The following GNG7 variants were observed in gnomAD, a reference collection of about 807,000 sequenced individuals.
GNG7 encodes the protein guanine nucleotide-binding protein G(I)/G(S)/G(O) subunit gamma-7.
A neutral mutation model predicts 4.0 loss-of-function variants in GNG7; 1 was observed. The ratio of observed to expected loss-of-function variants is 0.25; its 90% confidence interval spans 0.09 to 1.18. The LOEUF is 1.18. Ranked by LOEUF, GNG7 falls within the 50% of genes most tolerant of loss-of-function variation. The pLI, the probability that GNG7 is intolerant of heterozygous loss-of-function variation, is 0.50. For missense variants in GNG7, 86 were observed against 91.9 expected, an observed-to-expected ratio of 0.94 and a Z score of 0.26; for synonymous variants, 34 against 36.9, an observed-to-expected ratio of 0.92 and a Z score of 0.29.
At chr19:2,678,512 T>G (rs983640694) in intron 1 of GNG7, among the ~76,000 whole-genome samples, 1 of 152,232 alleles carries the variant, frequency 6.6e-6, no homozygotes. Flanking sequence ...TCACACCCAC[T>G]GTACACAGGT....
chr19:2,699,351 GT>G (rs2144664721), intron 1 of GNG7, among the ~76,000 whole-genome samples: 1 of 152,174 alleles, frequency 6.6e-6, no homozygotes, highest in Admixed American at 6.5e-5. Context: ...GTTTCACCAT[GT>G]TGGCCAGGAT....
chr19:2,621,602 CAGG>C (rs1483165252), intron 2 of GNG7, among the ~76,000 whole-genome samples: 1 of 151,896 alleles, frequency 6.6e-6, no homozygotes, highest in East Asian at 1.9e-4. Context: ...GAGGCTGAGG[CAGG>C]AGAATTGCTT....
At chr19:2,657,021 A>T (rs1450825861) in intron 1 of GNG7, among the ~76,000 whole-genome samples, 8 of 151,974 alleles carry the variant, frequency 5.3e-5, no homozygotes, top group Admixed American at 1.3e-4. Flanking sequence ...ATCAATTTTC[A>T]ATGATTGTCT....
chr19:2,561,604 G>A (rs1238893376), intron 2 of GNG7, among the ~76,000 whole-genome samples: 3 of 151,914 alleles, frequency 2.0e-5, no homozygotes, highest in African/African-American at 4.8e-5. Context: ...TTGGCCGGGC[G>A]CAGTGGCTCA....
intron 2 of GNG7, among the ~76,000 whole-genome samples, chr19:2,640,895 C>T (rs552395127): frequency 1.2e-4 from 18 of 152,342 alleles, no homozygotes; most frequent in South Asian, 2.1e-4. Flanking sequence ...TCCCAAAGTG[C>T]TGCGATGACA....
intron 2 of GNG7, among the ~76,000 whole-genome samples, chr19:2,560,982 G>T (rs1180320941): frequency 6.6e-6 from 1 of 151,284 alleles, no homozygotes; most frequent in African/African-American, 2.4e-5. Context: ...AATTATTTGG[G>T]AAAACAGTTG....
intron 3 of GNG7, among the ~76,000 whole-genome samples, chr19:2,528,834 G>A (rs955242126): frequency 3.9e-5 from 6 of 152,346 alleles, no homozygotes; most frequent in African/African-American, 1.4e-4. Context: ...TCCTGTGTGA[G>A]GAAACAGGGG....
At chr19:2,563,139 G>T (rs994710436) in intron 2 of GNG7, among the ~76,000 whole-genome samples, 5 of 151,876 alleles carry the variant, frequency 3.3e-5, no homozygotes, top group African/African-American at 7.2e-5. Flanking sequence ...TAGTAAAGAC[G>T]GGGTTTCACC....
At position 2,512,746 on chromosome 19, in the gene GNG7, T is replaced by G; in HGVS notation, c.*2276A>C. 1 of 306,982 alleles carries G rather than the reference T, an allele frequency of 3.3e-6. No homozygotes were observed. Among genetic ancestry groups the G allele is most frequent in the Non-Finnish European group, 4.8e-6 (1 of 209,686 alleles). 19.0% of individuals were successfully genotyped at this position (306,982 alleles called of 1,614,324 possible). On this transcript the variant is annotated 3_prime_UTR_variant, in exon 5 of 5. Coordinates refer to ENST00000382159, the MANE Select transcript of GNG7 (RefSeq NM_052847.3). The surrounding 1 kb of genome is among the most constrained non-coding windows in gnomAD (Gnocchi z 4.7). The stretch of plus-strand genomic sequence containing the variant: ...CGGGGGCTCGGGGATTAAGGCCTCT[T>G]TTAAGGAAAAACGGGGTGGGGTGTG...
At position 2,618,714 on chromosome 19, in the gene GNG7, AAG is replaced by A. The variant is rs2144830028; in HGVS notation, c.-78+27508_-78+27509del. On this transcript the variant is annotated intron_variant, in intron 2 of 4. Transcript: ENST00000382159. The surrounding 1 kb of genome is among the most constrained non-coding windows in gnomAD (Gnocchi z 5.1). ...ATTTTAGATTTACAGGAAAGTTGCAAAGAGAGAGTCCCCGCCCACGCCTCACC... is the reference window on the plus strand; with the variant it reads ...ATTTTAGATTTACAGGAAAGTTGCAAAGAGAGTCCCCGCCCACGCCTCACC... Among the ~76,000 whole-genome samples, 1 of 152,040 alleles carries A rather than the reference AAG, an allele frequency of 6.6e-6. No individual in the cohort carries two copies. Among genetic ancestry groups the A allele is most frequent in the East Asian group, 1.9e-4 (1 of 5,164 alleles).
At chr19:2,635,474 C>G (rs890853477) in intron 2 of GNG7, among the ~76,000 whole-genome samples, 32 of 152,202 alleles carry the variant, frequency 2.1e-4, no homozygotes, top group Non-Finnish European at 8.8e-5. Flanking sequence ...TTTGCCTCTT[C>G]TCTCCCTCCT....
intron 2 of GNG7, among the ~76,000 whole-genome samples, chr19:2,612,786 C>A (rs114296791): frequency 0.011 from 1,631 of 149,954 alleles, 36 homozygotes; most frequent in African/African-American, 0.038. Flanking sequence ...TTCCACCTCC[C>A]AGTTCAAGCA....
intron 1 of GNG7, among the ~76,000 whole-genome samples, chr19:2,672,398 C>T (rs546547448): frequency 6.6e-6 from 1 of 152,192 alleles, no homozygotes; most frequent in East Asian, 1.9e-4. Context: ...TCAAGCAATC[C>T]TCCTGCTTCA....
In GNG7 at chr19:2,552,210, C is replaced by T. The variant is rs75250315; in HGVS notation, c.-38+2939G>A. On this transcript the variant is annotated intron_variant, in intron 3 of 4. Coordinates refer to ENST00000382159, the MANE Select transcript of GNG7 (RefSeq NM_052847.3). The stretch of plus-strand genomic sequence containing the variant: ...CTACTAAAAAATACAAAAAATCAGC[C>T]GGAAATTGCTTGAACCCAGGAGGCG... Among the ~76,000 whole-genome samples, 827 of 151,970 alleles carry T rather than the reference C, an allele frequency of 5.4e-3. 10 individuals carry two copies. Among genetic ancestry groups the T allele is most frequent in the African/African-American group, 0.018 (759 of 41,490 alleles).
chr19:2,665,473 A>G (rs926309301), intron 1 of GNG7, among the ~76,000 whole-genome samples: 1 of 151,844 alleles, frequency 6.6e-6, no homozygotes, highest in Non-Finnish European at 1.5e-5. Flanking sequence ...GAAGAGGGCC[A>G]TGCGGGACAA....
chr19:2,544,971 T>C (rs533394064), intron 3 of GNG7, among the ~76,000 whole-genome samples: 2 of 152,296 alleles, frequency 1.3e-5, no homozygotes, highest in Non-Finnish European at 2.9e-5. Context: ...CCCAACGGGA[T>C]GGATGGTGTG....
chr19:2,517,085 G>T (rs1300104497), intron 4 of GNG7: 1 of 152,256 alleles, frequency 6.6e-6, no homozygotes, highest in African/African-American at 2.4e-5. Flanking sequence ...TTTCTTTCCT[G>T]GAAGGCGAGA....
intron 2 of GNG7, among the ~76,000 whole-genome samples, chr19:2,563,305 C>T (rs1285404438): frequency 3.9e-5 from 6 of 151,928 alleles, no homozygotes; most frequent in Admixed American, 1.3e-4. Flanking sequence ...GGACATTGGG[C>T]CTGGATCATT....
At chr19:2,582,764 G>A (rs1035078156) in intron 2 of GNG7, among the ~76,000 whole-genome samples, 1 of 142,604 alleles carries the variant, frequency 7.0e-6, no homozygotes, top group Non-Finnish European at 1.5e-5. Context: ...CACCTACCAC[G>A]TTCAAGCGAT....
Sources: allele counts gnomAD v4.1 joint callset (sites outside exome capture counted in the v4.1 genomes callset), GRCh38; gene constraint gnomAD v4.1.1; non-coding constraint Gnocchi (gnomAD v3.1); transcripts MANE v1.5; gene names NCBI Gene and HGNC (gene_info 2026-07-23, HGNC 2026-07-21).